Variants in CCHCR1 observed in about 807,000 individuals in gnomAD.
CCHCR1 encodes coiled-coil alpha-helical rod protein 1.
A neutral mutation model predicts 114.6 loss-of-function variants in CCHCR1; 91 were observed. That is an observed-to-expected ratio of 0.79 (90% CI 0.67 to 0.94). The LOEUF is 0.94. Among genes scored for constraint, CCHCR1 ranks in the 40% least tolerant of loss-of-function variants. CCHCR1 has a pLI of 0.00. For missense variants in CCHCR1, 899 were observed against 1,079.9 expected, an observed-to-expected ratio of 0.83 and a Z score of 2.35; for synonymous variants, 379 against 428.5, an observed-to-expected ratio of 0.88 and a Z score of 1.43.
Position 31,143,484 on chromosome 6 carries a change from A to G in CCHCR1, c.2168-71T>C. 6.5e-7 allele frequency: 1 copy of G among 1,545,624 alleles called. No homozygotes were observed. Among genetic ancestry groups the G allele is most frequent in the Non-Finnish European group, 8.8e-7 (1 of 1,135,518 alleles). The stretch of plus-strand genomic sequence containing the variant: ...AGAGGCAGCCAGGCACCATGAAGAC[A>G]GGAACAAACGCTGGGTCACCAACTC... On this transcript the variant is annotated intron_variant, in intron 15 of 17. Coordinates refer to ENST00000396268, the MANE Select transcript of CCHCR1 (RefSeq NM_001105564.2). This position sits in a 1 kb window ranked among gnomAD's most constrained non-coding sequence, Gnocchi z 5.3.
rs2517985 is a variant in CCHCR1 at position 31,151,165 on chromosome 6, T to C, written c.802-43A>G. On this transcript the variant is annotated intron_variant, in intron 4 of 17. Transcript: ENST00000396268. The surrounding 1 kb of genome is among the most constrained non-coding windows in gnomAD (Gnocchi z 4.1). ...GGCTCAGCAGAGGCTCGACCCCACA[T>C]GGAGGCCTTCCTTGTTCCCTTCACT... 480,885 of 1,580,310 alleles carry C rather than the reference T, an allele frequency of 0.3. 75,784 individuals are homozygous for C. Among genetic ancestry groups the C allele is most frequent in the Middle Eastern group, 0.34 (1,982 of 5,870 alleles).
chr6:31,148,694 C>G lies in CCHCR1; in HGVS notation c.1397G>C (p.Ser466Thr). 1 of 1,612,962 alleles carries G rather than the reference C, an allele frequency of 6.2e-7. No homozygotes were observed. Among genetic ancestry groups the G allele is most frequent in the Non-Finnish European group, 8.5e-7 (1 of 1,179,932 alleles). The part of the protein sequence containing the change: ...ASLQEKVTSQ[S>T]QEQAILQRSL... ...TCGCTGCAGGATGGCCTGCTCCTGG[C>G]TCTGGGATGTCACTTTTTCCTGGAG... The change falls in exon 9 of 18, where the codon AGC becomes ACC. Residue 466 changes from serine (S) to threonine (T), a missense_variant. By Grantham distance (58) the Ser-to-Thr change is moderately conservative. Transcript: ENST00000396268.
rs562125230 is a variant in CCHCR1, at chr6:31,153,418, C to T, written c.801+1078G>A. Among the ~76,000 whole-genome samples, 7 of 149,670 alleles carry T rather than the reference C, an allele frequency of 4.7e-5. No individual in the cohort carries two copies. The South Asian group carries it at 1.5e-3, about 32-fold the overall frequency. ...CTTGTGATCTGAGCTATAAATATAGCTTTTTTTTTTCTTTTTGGCTATTCC... is the reference window on the plus strand; with the variant it reads ...CTTGTGATCTGAGCTATAAATATAGTTTTTTTTTTTCTTTTTGGCTATTCC... On this transcript the variant is annotated intron_variant, in intron 4 of 17. Coordinates refer to ENST00000396268, the MANE Select transcript of CCHCR1 (RefSeq NM_001105564.2).
Position 31,157,739 on chromosome 6 carries a change from C to CATG in CCHCR1, c.-142_-140dup, listed in dbSNP as rs1370745192. ...TTCTCTCTACTATCCCCTTAGCTTC[C>CATG]ATGCCTGCTGCCCGCCTCCTCTTTC... On this transcript the variant is annotated 5_prime_UTR_variant, in exon 1 of 18. The change creates a new upstream start codon in the 5' untranslated region. Transcript: ENST00000396268. 6.0e-6 allele frequency: 4 copies of CATG among 670,402 alleles called. No homozygotes were observed. Among genetic ancestry groups the CATG allele is most frequent in the South Asian group, 3.8e-5 (2 of 52,302 alleles). The allele number at this position is 670,402 out of a possible 1,614,324, so 41.5% of individuals were successfully genotyped here.
chr6:31,149,028 T>G (rs1774790078), intron 8 of CCHCR1: 1 of 342,742 alleles, frequency 2.9e-6, no homozygotes, highest in African/African-American at 2.1e-5. Flanking sequence ...GGCATGTGCC[T>G]GTAATCCCAG....
In CCHCR1 at chr6:31,144,987, C is replaced by G. The variant is rs1774103278; in HGVS notation, c.1963G>C (p.Gly655Arg). 1 of 1,607,754 alleles carries G rather than the reference C, an allele frequency of 6.2e-7. No homozygotes were observed. The highest frequency in any genetic ancestry group is 1.3e-5 in the African/African-American group (1 of 74,906). ...TGGCGTGCTACCTCCAGCTGCAGCC[C>G]CAAGCTAGCCAGGGACTCCTGGGTC... Reference protein sequence around the residue: ...QQTQESLASLGLQLEVARQGQ... With the variant: ...QQTQESLASLRLQLEVARQGQ... Residue 655 changes from glycine to arginine, a missense_variant, in exon 14 of 18, where the codon GGG becomes CGG. Gly to Arg is a moderately radical substitution (Grantham distance 125). Transcript: ENST00000396268. This position sits in a 1 kb window ranked among gnomAD's most constrained non-coding sequence, Gnocchi z 4.6.
At position 31,150,969 on chromosome 6, in the gene CCHCR1, T is replaced by G; in HGVS notation, c.955A>C (p.Lys319Gln). ...EAQREAELLRKQLSKTQEDLE... is the reference protein window; with the variant it reads ...EAQREAELLRQQLSKTQEDLE... ...CGTCCGCCCACCTACCTCAGCTGCT[T>G]CCGAAGCAGCTCGGCCTCCCTCTGA... The change falls in exon 5 of 18, where the codon AAG becomes CAG. Residue 319 changes from lysine (K) to glutamine (Q), a missense_variant. By Grantham distance (53) the Lys-to-Gln change is moderately conservative. Coordinates refer to ENST00000396268, the MANE Select transcript of CCHCR1 (RefSeq NM_001105564.2). This position sits in a 1 kb window ranked among gnomAD's most constrained non-coding sequence, Gnocchi z 5.3. The G allele has an allele frequency of 6.2e-7, 1 of 1,612,810 alleles. No homozygotes were observed. Among genetic ancestry groups the G allele is most frequent in the Non-Finnish European group, 8.5e-7 (1 of 1,179,986 alleles).
At position 31,154,401 on chromosome 6, in the gene CCHCR1, C is replaced by T. The variant is rs1286357689; in HGVS notation, c.801+95G>A. 6 of 920,318 alleles carry T rather than the reference C, an allele frequency of 6.5e-6. No individual in the cohort carries two copies. Among genetic ancestry groups the T allele is most frequent in the Non-Finnish European group, 1.0e-5 (6 of 580,742 alleles). 57.0% of individuals were successfully genotyped at this position (920,318 alleles called of 1,614,324 possible). On this transcript the variant is annotated intron_variant, in intron 4 of 17. Transcript: ENST00000396268. This position sits in a 1 kb window ranked among gnomAD's most constrained non-coding sequence, Gnocchi z 4.1. ...TCTCATCACTCTACTACTCACTACT[C>T]ATGGAGGGTCTTTTCTGCAATACCT...
At chr6:31,155,737 T>C (rs1040277370) in intron 3 of CCHCR1, among the ~76,000 whole-genome samples, 1 of 152,158 alleles carries the variant, frequency 6.6e-6, no homozygotes, top group Non-Finnish European at 1.5e-5. Context: ...GCTTGGAACA[T>C]GGCTCCTGAG....
In CCHCR1 at chr6:31,157,049, T is replaced by C; in HGVS notation, c.257A>G (p.Asn86Ser). The C allele has an allele frequency of 6.2e-7, 1 of 1,612,526 alleles. No individual in the cohort carries two copies. The highest frequency in any genetic ancestry group is 1.3e-5 in the African/African-American group (1 of 75,026). The part of the protein sequence containing the change: ...DGWRQNLEPS[N>S]NVEMFPPSGS... ...TGAAGGTGGAAACATCTCCACATTA[T>C]TTGAAGGCTCTAGATTCTGTCTCCA... Residue 86 changes from asparagine to serine, a missense_variant, in exon 2 of 18, where the codon AAT (asparagine) becomes AGT (serine). By Grantham distance (46) the Asn-to-Ser change is conservative (BLOSUM62 1). Transcript: ENST00000396268.
rs1400596422 is a variant in CCHCR1, at chr6:31,150,030, G to A, written c.1362+36C>T. 4.3e-6 allele frequency: 7 copies of A among 1,609,554 alleles called. No homozygotes were observed. The highest frequency in any genetic ancestry group is 6.0e-6 in the Non-Finnish European group (7 of 1,176,240). On this transcript the variant is annotated intron_variant, in intron 8 of 17. Coordinates refer to ENST00000396268, the MANE Select transcript of CCHCR1 (RefSeq NM_001105564.2). This position sits in a 1 kb window ranked among gnomAD's most constrained non-coding sequence, Gnocchi z 5.3. ...ACCTTCATGGAAGGAGCAAGGTGCTGGGAGGGAATACCGGGAGAAAAGAGA... is the reference window on the plus strand; with the variant it reads ...ACCTTCATGGAAGGAGCAAGGTGCTAGGAGGGAATACCGGGAGAAAAGAGA...
rs1182445083 is a variant in CCHCR1, at chr6:31,150,104, G to C, written c.1324C>G (p.Leu442Val). 1 of 1,614,208 alleles carries C rather than the reference G, an allele frequency of 6.2e-7. No individual in the cohort carries two copies. Among genetic ancestry groups the C allele is most frequent in the Admixed American group, 1.7e-5 (1 of 60,026 alleles). Residue 442 changes from leucine to valine, a missense_variant, in exon 8 of 18, where the codon CTG (leucine) becomes GTG (valine). Transcript: ENST00000396268. The surrounding 1 kb of genome is among the most constrained non-coding windows in gnomAD (Gnocchi z 5.3). The stretch of plus-strand genomic sequence containing the variant: ...TGCTTAACAGAGTCACTGTGTTCCA[G>C]CTCCTGGGCCTTTAGCTGCACCATG... ...ALMVQLKAQE[L>V]EHSDSVKQLK...
At chr6:31,149,731 G>A (rs574475725) in intron 8 of CCHCR1, 6 of 204,940 alleles carry the variant, frequency 2.9e-5, no homozygotes, top group Non-Finnish European at 5.9e-5. Context: ...GACTGGGCAC[G>A]GTGGCTCACA....
intron 1 of CCHCR1, 31 bp downstream of exon 1, chr6:31,157,354 A>C (rs562843445): frequency 3.9e-6 from 6 of 1,556,598 alleles, no homozygotes; most frequent in Non-Finnish European, 5.3e-6. Context: ...GGCTTTACTC[A>C]TACTTTCAGG....
Position 31,154,030 on chromosome 6 carries a change from C to A in CCHCR1, c.801+466G>T, listed in dbSNP as rs1426814017. Among the ~76,000 whole-genome samples, 1 of 152,156 alleles carries A rather than the reference C, an allele frequency of 6.6e-6. No individual in the cohort carries two copies. The highest frequency in any genetic ancestry group is 1.5e-5 in the Non-Finnish European group (1 of 68,042). On this transcript the variant is annotated intron_variant, in intron 4 of 17. Coordinates refer to ENST00000396268, the MANE Select transcript of CCHCR1 (RefSeq NM_001105564.2). This position sits in a 1 kb window ranked among gnomAD's most constrained non-coding sequence, Gnocchi z 4.1. ...TAAATGTGGATGTGTATATCCCCCA[C>A]GAGGCTGTCAGTTCCATCCACGAAG...
At chr6:31,153,046 CA>C (rs1359885454) in intron 4 of CCHCR1, among the ~76,000 whole-genome samples, 2 of 152,106 alleles carry the variant, frequency 1.3e-5, no homozygotes, top group Non-Finnish European at 2.9e-5. Flanking sequence ...AGTGTGATGT[CA>C]GCTCACTGTA....
rs758012592 is a variant in CCHCR1 at position 31,143,289 on chromosome 6, C to A, written c.2292G>T (p.Glu764Asp). The change falls in exon 16 of 18, where the codon GAG becomes GAT. Residue 764 changes from glutamate (E) to aspartate (D), a missense_variant. Glu to Asp is a conservative substitution (Grantham distance 45). Transcript: ENST00000396268. The surrounding 1 kb of genome is among the most constrained non-coding windows in gnomAD (Gnocchi z 5.3). ...EGQRLARRLQ[E>D]LERDKNLMLA... ...GCATGAGGTTCTTATCCCTCTCTAG[C>A]TCCTGCAAGCGCCGGGCCAGTCGCT... The A allele has an allele frequency of 6.2e-7, 1 of 1,612,828 alleles. No homozygotes were observed. Among genetic ancestry groups the A allele is most frequent in the East Asian group, 2.2e-5 (1 of 44,882 alleles).
intron 10 of CCHCR1, among the ~76,000 whole-genome samples, chr6:31,147,413 A>AAAAG: frequency 1.0e-5 from 1 of 98,026 alleles, no homozygotes; most frequent in East Asian, 2.1e-4. Context: ...AAAAAAAAAA[A>AAAAG]AAAAAAAAAG....
In CCHCR1 at chr6:31,150,686, T is replaced by C. The variant is rs758908078; in HGVS notation, c.1101+39A>G. On this transcript the variant is annotated intron_variant, in intron 6 of 17. Transcript: ENST00000396268. The surrounding 1 kb of genome is among the most constrained non-coding windows in gnomAD (Gnocchi z 5.3). ...GGGCCACGCTTGCCTCCCAACCTGATCCCTAAGTCTGCACACAGATACATT... is the reference window on the plus strand; with the variant it reads ...GGGCCACGCTTGCCTCCCAACCTGACCCCTAAGTCTGCACACAGATACATT... 2.5e-6 allele frequency: 4 copies of C among 1,605,498 alleles called. No homozygotes were observed. The highest frequency in any genetic ancestry group is 3.4e-6 in the Non-Finnish European group (4 of 1,175,632).
Sources: gnomAD v4.1 joint callset for allele counts (sites outside exome capture counted in the v4.1 genomes callset) on GRCh38, gnomAD v4.1.1 for gene constraint, Gnocchi (gnomAD v3.1) non-coding constraint, MANE v1.5 for transcripts, NCBI Gene and HGNC (gene_info 2026-07-23, HGNC 2026-07-21) for gene names.